The following OPA1 variants were observed in gnomAD, a reference collection of about 807,000 sequenced individuals.
OPA1 encodes OPA1 mitochondrial dynamin like GTPase.
A neutral mutation model predicts 152.9 loss-of-function variants in OPA1; 59 were observed. The observed-to-expected ratio is 0.39, with a 90% confidence interval of 0.31 to 0.48. The LOEUF (loss-of-function observed/expected upper bound fraction) is 0.48. Ranked by LOEUF, OPA1 falls within the 20% of genes least tolerant of loss-of-function variation. OPA1 has a pLI of 0.96. For synonymous variants in OPA1, 400 were observed against 389.9 expected, an observed-to-expected ratio of 1.03 and a Z score of -0.31; for missense variants, 1,008 against 1,216.8, an observed-to-expected ratio of 0.83 and a Z score of 2.55.
At position 193,696,621 on chromosome 3, in the gene OPA1, C is replaced by G. The variant is rs2109483406; in HGVS notation, c.*2021C>G. 1 of 152,232 alleles carries G rather than the reference C, an allele frequency of 6.6e-6. No individual in the cohort carries two copies. The allele number at this position is 152,232 out of a possible 1,614,324, so 9.4% of individuals were successfully genotyped here. A position where few individuals can be genotyped will look rare whatever the true frequency, so the allele number is the denominator to read the frequency against. On this transcript the variant is annotated 3_prime_UTR_variant, in exon 31 of 31. Coordinates refer to ENST00000361510, the MANE Select transcript of OPA1 (RefSeq NM_130837.3). ...ATTGAAAGAAAATAAAATTCAGTCT[C>G]AAGAGTAAACCCTGTGTCTTGTGTC... is the stretch of plus-strand genomic sequence containing the variant.
chr3:193,652,925 G>A (rs1712876522), intron 21 of OPA1, among the ~76,000 whole-genome samples: 1 of 152,094 alleles, frequency 6.6e-6, no homozygotes, highest in Admixed American at 6.5e-5. Flanking sequence ...TTTAAAAAGG[G>A]TGTCAGGGAT....
At chr3:193,607,265 CTTTAATGA>C (rs1727437190) in intron 1 of OPA1, among the ~76,000 whole-genome samples, 3 of 152,090 alleles carry the variant, frequency 2.0e-5, no homozygotes, top group African/African-American at 7.2e-5. Flanking sequence ...AAGCTCTTTA[CTTTAATGA>C]GATCCCATTT....
chr3:193,614,881 C>G lies in OPA1; in HGVS notation c.191C>G (p.Ser64Cys). Residue 64 changes from serine (S) to cysteine (C), a missense_variant, in exon 2 of 31, where the codon TCT (serine) becomes TGT (cysteine). Ser to Cys is a moderately radical substitution (Grantham distance 112, BLOSUM62 -1). Around this residue, in one of 7 missense-constraint regions of OPA1, gnomAD observed 408 missense variants for 395.1 expected, o/e 1.03. Transcript: ENST00000361510. The stretch of plus-strand genomic sequence containing the variant: ...AGGACATCCTTTCAGCAGTTCTCTT[C>G]TCTGACAAACCTTCCTTTACGTAAA... ...QLRTSFQQFSSLTNLPLRKLK... is the reference protein window; with the variant it reads ...QLRTSFQQFSCLTNLPLRKLK... The G allele has an allele frequency of 6.2e-7, 1 of 1,614,120 alleles. No homozygotes were observed. Among genetic ancestry groups the G allele is most frequent in the Non-Finnish European group, 8.5e-7 (1 of 1,179,960 alleles).
At chr3:193,650,401 C>T (rs550591428) in intron 21 of OPA1, among the ~76,000 whole-genome samples, 20 of 152,278 alleles carry the variant, frequency 1.3e-4, no homozygotes, top group Non-Finnish European at 2.6e-4. Flanking sequence ...CAAGCCTTAG[C>T]TGTTCATACC....
intron 4 of OPA1, 130 bp downstream of exon 4, chr3:193,617,415 T>A (rs1207993672): frequency 1.1e-5 from 7 of 663,398 alleles, no homozygotes; most frequent in African/African-American, 3.7e-5. Context: ...GGACATTTTT[T>A]AAAAAGATAA....
chr3:193,622,816 T>A (rs1730390271), intron 6 of OPA1, among the ~76,000 whole-genome samples: 1 of 152,198 alleles, frequency 6.6e-6, no homozygotes, highest in South Asian at 2.1e-4. Flanking sequence ...GTAAAATCAG[T>A]TGATTGATTT....
chr3:193,659,730 TAAG>T (rs921289611), intron 25 of OPA1, among the ~76,000 whole-genome samples, 169 bp downstream of exon 25: 7 of 152,174 alleles, frequency 4.6e-5, no homozygotes, highest in African/African-American at 1.7e-4. Context: ...ATAAACTACA[TAAG>T]AAAGTTTTTT....
At chr3:193,619,480 G>T (rs554914336) in intron 6 of OPA1, 1 of 153,196 alleles carries the variant, frequency 6.5e-6, no homozygotes, top group East Asian at 1.9e-4. Flanking sequence ...TATGTATGGG[G>T]TTATTTATGG....
intron 8 of OPA1, among the ~76,000 whole-genome samples, chr3:193,634,457 C>T (rs1282000693): frequency 1.3e-5 from 2 of 151,598 alleles, no homozygotes; most frequent in Non-Finnish European, 2.9e-5. Flanking sequence ...TTTTTGTCTT[C>T]GCCAGGCTGG....
Position 193,631,648 on chromosome 3 carries a change from G to A in OPA1, c.826G>A (p.Glu276Lys). ...AGAGAAAATTGACCAACTTCAGGAA[G>A]AACTTCTGCACACTCAGGTAATCAT... ...DKEKIDQLQE[E>K]LLHTQLKYQR... is the part of the protein sequence containing the mutation. The change falls in exon 8 of 31, where the codon GAA (glutamate) becomes AAA (lysine). Residue 276 changes from glutamate (E) to lysine (K), a missense_variant. Transcript: ENST00000361510. 7 of 1,612,206 alleles carry A rather than the reference G, an allele frequency of 4.3e-6. No homozygotes were observed. The highest frequency in any genetic ancestry group is 5.9e-6 in the Non-Finnish European group (7 of 1,178,608).
chr3:193,614,782 A>G lies in OPA1; in HGVS notation c.92A>G (p.Gln31Arg). ...SSGIKGSLPLQKLHLVSRSIY... is the reference protein window; with the variant it reads ...SSGIKGSLPLRKLHLVSRSIY... ...GGAATAAAAGGAAGTTTACCACTACAAAAACTACATCTGGTTTCACGAAGC... is the reference window on the plus strand; with the variant it reads ...GGAATAAAAGGAAGTTTACCACTACGAAAACTACATCTGGTTTCACGAAGC... Residue 31 changes from glutamine to arginine, a missense_variant, in exon 2 of 31, where the codon CAA becomes CGA. Gln to Arg is a conservative substitution (Grantham distance 43). Coordinates refer to ENST00000361510, the MANE Select transcript of OPA1 (RefSeq NM_130837.3). 2 of 1,614,114 alleles carry G rather than the reference A, an allele frequency of 1.2e-6. No homozygotes were observed. The highest frequency in any genetic ancestry group is 8.5e-7 in the Non-Finnish European group (1 of 1,179,932).
intron 29 of OPA1, among the ~76,000 whole-genome samples, chr3:193,675,874 C>T (rs1260503213): frequency 1.1e-4 from 17 of 152,158 alleles, no homozygotes; most frequent in Admixed American, 9.2e-4. Context: ...TCATTAGCCC[C>T]CTTCTCTTGA....
intron 25 of OPA1, among the ~76,000 whole-genome samples, chr3:193,661,333 G>T (rs1335069957): frequency 6.6e-6 from 1 of 152,158 alleles, no homozygotes; most frequent in Admixed American, 6.5e-5. Context: ...AATCACCCGG[G>T]GAGGTGTTTA....
intron 29 of OPA1, among the ~76,000 whole-genome samples, chr3:193,671,772 G>A (rs1186214475): frequency 1.3e-5 from 2 of 152,156 alleles, no homozygotes; most frequent in African/African-American, 4.8e-5. Flanking sequence ...TTAAAAAAAG[G>A]TTAAATTTTG....
At chr3:193,608,815 C>A (rs898182145) in intron 1 of OPA1, among the ~76,000 whole-genome samples, 1 of 151,646 alleles carries the variant, frequency 6.6e-6, no homozygotes, top group African/African-American at 2.4e-5. Flanking sequence ...TTAAAGTCTC[C>A]CATTATTGTT....
At chr3:193,671,902 G>T (rs1236277174) in intron 29 of OPA1, among the ~76,000 whole-genome samples, 3 of 152,136 alleles carry the variant, frequency 2.0e-5, no homozygotes, top group Non-Finnish European at 2.9e-5. Flanking sequence ...AATTTAATAG[G>T]ATATGCAGCT....
intron 29 of OPA1, among the ~76,000 whole-genome samples, chr3:193,690,309 CCCACCCCA>C (rs755387208): frequency 1.2e-5 from 1 of 81,958 alleles, no homozygotes. Context: ...GGACTCCCCC[CCCACCCCA>C]CCCCACACAC....
At chr3:193,652,803 G>C (rs1560388514) in intron 21 of OPA1, among the ~76,000 whole-genome samples, 1 of 152,126 alleles carries the variant, frequency 6.6e-6, no homozygotes, top group African/African-American at 2.4e-5. Context: ...GGCGATGAAA[G>C]GCAGGAGAGG....
intron 6 of OPA1, among the ~76,000 whole-genome samples, chr3:193,622,421 G>A (rs1194260847): frequency 2.0e-5 from 3 of 151,830 alleles, no homozygotes; most frequent in Non-Finnish European, 4.4e-5. Flanking sequence ...TAGAGACAGG[G>A]TTTCACCAGG....
Sources: allele counts gnomAD v4.1 joint callset (sites outside exome capture counted in the v4.1 genomes callset), GRCh38; gene constraint gnomAD v4.1.1; regional missense constraint gnomAD v4.1.1; transcripts MANE v1.5; gene names NCBI Gene and HGNC (gene_info 2026-07-23, HGNC 2026-07-21).